Variants in RAB38 observed in about 807,000 individuals in gnomAD.
RAB38 encodes ras-related protein Rab-38.
A neutral mutation model predicts 18.4 loss-of-function variants in RAB38; 15 were observed. The observed-to-expected ratio is 0.82, with a 90% CI of 0.55 to 1.26. The LOEUF is 1.26. Among genes scored for constraint, RAB38 ranks in the 50% most tolerant of loss-of-function variants. The probability of loss-of-function intolerance (pLI) is 0.00; values close to 1 mark genes in which losing one functional copy is unlikely to be tolerated. For missense variants in RAB38, 294 were observed against 267.4 expected, an observed-to-expected ratio of 1.10 and a Z score of -0.69; for synonymous variants, 101 against 104.4, an observed-to-expected ratio of 0.97 and a Z score of 0.20.
At chr11:88,157,834 A>G (rs1591175293) in intron 1 of RAB38, among the ~76,000 whole-genome samples, 1 of 152,144 alleles carries the variant, frequency 6.6e-6, no homozygotes, top group Admixed American at 6.6e-5. Flanking sequence ...GTATGCTGTT[A>G]ACAGGAAAGT....
At chr11:87,948,191 C>G in the RAB38 span, among the ~76,000 whole-genome samples, 409 of 152,200 alleles carry the variant, frequency 2.7e-3, 1 homozygote, top group African/African-American at 9.5e-3. Flanking sequence ...ATTTGGCTCT[C>G]TGTTTGTCTG....
chr11:87,971,332 T>G, the RAB38 span, among the ~76,000 whole-genome samples: 1 of 152,164 alleles, frequency 6.6e-6, no homozygotes, highest in Admixed American at 6.6e-5. Flanking sequence ...GAACATTGCT[T>G]CAAGGGTGTT....
the RAB38 span, among the ~76,000 whole-genome samples, chr11:87,850,227 A>G: frequency 6.6e-6 from 1 of 152,146 alleles, no homozygotes; most frequent in African/African-American, 2.4e-5. Flanking sequence ...ACAAAATAAT[A>G]TCAGTTCTTC....
the RAB38 span, among the ~76,000 whole-genome samples, chr11:87,841,262 C>A: frequency 1.3e-5 from 2 of 152,026 alleles, no homozygotes; most frequent in Non-Finnish European, 2.9e-5. Flanking sequence ...AATCATGAGG[C>A]GGTTACCCAC....
the RAB38 span, among the ~76,000 whole-genome samples, chr11:87,956,113 A>ATGCATATACCT: frequency 6.8e-6 from 1 of 146,728 alleles, no homozygotes; most frequent in African/African-American, 2.6e-5. Flanking sequence ...ACATACATAC[A>ATGCATATACCT]TACATGCATA....
chr11:87,910,250 C>G, the RAB38 span, among the ~76,000 whole-genome samples: 268 of 152,088 alleles, frequency 1.8e-3, 6 homozygotes, highest in East Asian at 0.045. Context: ...GATGAATCCA[C>G]CTATGTGTCT....
the RAB38 span, among the ~76,000 whole-genome samples, chr11:87,886,013 C>T: frequency 6.6e-6 from 1 of 151,916 alleles, no homozygotes; most frequent in East Asian, 2.0e-4. Context: ...GACTTGCTGG[C>T]TCCTTGCTTC....
chr11:87,860,241 T>C, the RAB38 span, among the ~76,000 whole-genome samples: 65 of 152,002 alleles, frequency 4.3e-4, no homozygotes, highest in African/African-American at 1.6e-3. Context: ...TATGCATCAA[T>C]AAAGCAACAT....
At chr11:88,157,283 A>T (rs1943138739) in intron 1 of RAB38, among the ~76,000 whole-genome samples, 1 of 152,212 alleles carries the variant, frequency 6.6e-6, no homozygotes, top group Non-Finnish European at 1.5e-5. Flanking sequence ...TCAATTCGAC[A>T]ATAAGACTTA....
At chr11:87,861,695 A>C in the RAB38 span, among the ~76,000 whole-genome samples, 1 of 151,990 alleles carries the variant, frequency 6.6e-6, no homozygotes, top group Admixed American at 6.6e-5. Context: ...CTCCACCGCA[A>C]CAATGCTGCT....
the RAB38 span, among the ~76,000 whole-genome samples, chr11:87,819,736 GTA>G: frequency 9.0e-5 from 11 of 122,532 alleles, 1 homozygote; most frequent in Admixed American, 5.1e-4. Context: ...ATATATATGT[GTA>G]TATATATATA....
chr11:87,885,899 A>G, the RAB38 span, among the ~76,000 whole-genome samples: 1 of 151,992 alleles, frequency 6.6e-6, no homozygotes, highest in East Asian at 2.0e-4. Flanking sequence ...ATAAACATCT[A>G]TTGAAGTATT....
At chr11:87,857,981 G>A in the RAB38 span, among the ~76,000 whole-genome samples, 1 of 152,210 alleles carries the variant, frequency 6.6e-6, no homozygotes, top group Non-Finnish European at 1.5e-5. Context: ...TTCTTCTAGG[G>A]TTTTTATGGT....
At chr11:87,956,056 T>A in the RAB38 span, among the ~76,000 whole-genome samples, 1 of 152,156 alleles carries the variant, frequency 6.6e-6, no homozygotes, top group Non-Finnish European at 1.5e-5. Flanking sequence ...CGTTCTACAG[T>A]ATGGTTCATA....
At chr11:88,087,710 G>T in the RAB38 span, among the ~76,000 whole-genome samples, 2 of 151,870 alleles carry the variant, frequency 1.3e-5, no homozygotes, top group African/African-American at 4.8e-5. Flanking sequence ...CTAGAAAAGG[G>T]GCAGTAAGTT....
chr11:88,034,860 CAT>C, the RAB38 span, among the ~76,000 whole-genome samples: 1 of 152,164 alleles, frequency 6.6e-6, no homozygotes, highest in Non-Finnish European at 1.5e-5. Flanking sequence ...TTAGTATACA[CAT>C]GAGAGTAGAA....
the RAB38 span, among the ~76,000 whole-genome samples, chr11:87,920,335 T>G: frequency 6.6e-6 from 1 of 152,042 alleles, no homozygotes; most frequent in Non-Finnish European, 1.5e-5. Context: ...TTTTAAATGT[T>G]GTGTTTCCAT....
chr11:87,841,599 AT>A, the RAB38 span, among the ~76,000 whole-genome samples: 1 of 152,140 alleles, frequency 6.6e-6, no homozygotes, highest in Non-Finnish European at 1.5e-5. Context: ...CATTTTCTTA[AT>A]GAATTTTTCT....
chr11:88,072,584 CT>C, the RAB38 span, among the ~76,000 whole-genome samples: 2 of 152,192 alleles, frequency 1.3e-5, no homozygotes, highest in Middle Eastern at 6.8e-3. Flanking sequence ...TCAAGAATCT[CT>C]GAGAGCCCCA....
Sources: gnomAD v4.1 joint callset for allele counts (sites outside exome capture counted in the v4.1 genomes callset) on GRCh38, gnomAD v4.1.1 for gene constraint, MANE v1.5 for transcripts, NCBI Gene and HGNC (gene_info 2026-07-23, HGNC 2026-07-21) for gene names.